The following CSTPP1 variants were observed in gnomAD, a reference collection of about 807,000 sequenced individuals.
The protein encoded by CSTPP1 is centriolar satellite-associated tubulin polyglutamylase complex regulator 1.
chr11:47,161,088 G>T, the CSTPP1 span: 1 of 1,613,496 alleles, frequency 6.2e-7, no homozygotes, highest in Non-Finnish European at 8.5e-7. Flanking sequence ...TGGCTGAAGG[G>T]CCCTCAGATT....
the CSTPP1 span, among the ~76,000 whole-genome samples, chr11:47,085,097 G>A: frequency 3.3e-5 from 5 of 151,968 alleles, no homozygotes; most frequent in African/African-American, 4.8e-5. Context: ...CCAGCTAGTC[G>A]GGAGGCTGAG....
At chr11:47,125,591 G>A in the CSTPP1 span, among the ~76,000 whole-genome samples, 3 of 152,204 alleles carry the variant, frequency 2.0e-5, no homozygotes, top group Non-Finnish European at 4.4e-5. Context: ...ACAGTGGAAA[G>A]CTCAGAGGAA....
chr11:47,157,048 C>G, the CSTPP1 span: 2 of 1,614,152 alleles, frequency 1.2e-6, no homozygotes, highest in Non-Finnish European at 1.7e-6. Flanking sequence ...TGGCTGCCAT[C>G]TATGAGGACC....
the CSTPP1 span, among the ~76,000 whole-genome samples, chr11:47,027,523 T>C: frequency 2.0e-5 from 3 of 152,164 alleles, no homozygotes; most frequent in Non-Finnish European, 4.4e-5. Flanking sequence ...AAGAAAGTTC[T>C]TTATGGATTT....
chr11:46,993,265 G>T, the CSTPP1 span, among the ~76,000 whole-genome samples: 1 of 151,734 alleles, frequency 6.6e-6, no homozygotes, highest in Non-Finnish European at 1.5e-5. Flanking sequence ...CTCAGTTTTG[G>T]CTTTTGTTGC....
chr11:47,043,217 T>C, the CSTPP1 span, among the ~76,000 whole-genome samples: 16 of 152,268 alleles, frequency 1.1e-4, no homozygotes, highest in South Asian at 3.3e-3. Flanking sequence ...CAAAAAAAGT[T>C]ATGACTGCTA....
At chr11:47,048,514 G>T in the CSTPP1 span, among the ~76,000 whole-genome samples, 2 of 151,816 alleles carry the variant, frequency 1.3e-5, no homozygotes, top group African/African-American at 2.4e-5. Flanking sequence ...AAGAAAGAAA[G>T]AAATTTTGAT....
At chr11:47,046,660 C>CTTTTTTTTTTTTTTTT in the CSTPP1 span, among the ~76,000 whole-genome samples, 86 of 79,758 alleles carry the variant, frequency 1.1e-3, no homozygotes, top group Admixed American at 1.4e-3. Context: ...ATCTTCTTTT[C>CTTTTTTTTTTTTTTTT]TTTTTTTTTT....
the CSTPP1 span, among the ~76,000 whole-genome samples, chr11:47,046,809 G>A: frequency 2.0e-5 from 3 of 150,570 alleles, no homozygotes; most frequent in Admixed American, 1.3e-4. Flanking sequence ...GGGATTACAG[G>A]CATCCACCAC....
the CSTPP1 span, among the ~76,000 whole-genome samples, chr11:47,104,239 A>C: frequency 6.6e-6 from 1 of 152,190 alleles, no homozygotes. Flanking sequence ...AAGTGGAATG[A>C]ATCCTAGAGA....
the CSTPP1 span, among the ~76,000 whole-genome samples, chr11:46,988,157 TC>T: frequency 6.6e-6 from 1 of 152,156 alleles, no homozygotes; most frequent in Non-Finnish European, 1.5e-5. Flanking sequence ...GTTTGGAGGT[TC>T]CTCAAAAAAC....
chr11:47,132,409 GTT>G, the CSTPP1 span, among the ~76,000 whole-genome samples: 1 of 152,236 alleles, frequency 6.6e-6, no homozygotes, highest in Non-Finnish European at 1.5e-5. Context: ...GTTTTAATCA[GTT>G]AATAATTATA....
chr11:47,145,928 A>T, the CSTPP1 span, among the ~76,000 whole-genome samples: 5 of 151,786 alleles, frequency 3.3e-5, no homozygotes, highest in African/African-American at 1.2e-4. Context: ...ATTTTATTTT[A>T]TTTTAAGATG....
chr11:47,120,896 G>C, the CSTPP1 span, among the ~76,000 whole-genome samples: 2 of 152,236 alleles, frequency 1.3e-5, no homozygotes, highest in South Asian at 2.1e-4. The surrounding 1 kb of genome is among the most constrained non-coding windows in gnomAD (Gnocchi z 4.2). Flanking sequence ...ATCCAAAGAC[G>C]CAGAAGAGTT....
chr11:47,096,811 GA>G, the CSTPP1 span, among the ~76,000 whole-genome samples: 201 of 118,118 alleles, frequency 1.7e-3, no homozygotes, highest in Non-Finnish European at 2.0e-3. Context: ...AGGCCCAGCA[GA>G]AAAAAAAAAA....
the CSTPP1 span, among the ~76,000 whole-genome samples, chr11:46,942,495 C>T: frequency 6.1e-4 from 93 of 152,284 alleles, no homozygotes; most frequent in Middle Eastern, 3.4e-3. Context: ...CTTTCACTCA[C>T]GCTCCAAGTT....
At chr11:47,006,681 C>A in the CSTPP1 span, among the ~76,000 whole-genome samples, 7 of 151,268 alleles carry the variant, frequency 4.6e-5, no homozygotes, top group African/African-American at 1.7e-4. Flanking sequence ...ACCTCCTGGG[C>A]TCAGGCAATC....
chr11:47,164,167 G>C, the CSTPP1 span: 1 of 1,614,002 alleles, frequency 6.2e-7, no homozygotes, highest in Non-Finnish European at 8.5e-7. Flanking sequence ...GGCTTTCAGA[G>C]AAGAGAGAAG....
the CSTPP1 span, chr11:47,052,521 A>G: frequency 6.2e-7 from 1 of 1,611,978 alleles, no homozygotes; most frequent in Non-Finnish European, 8.5e-7. Flanking sequence ...AAATGGCGGT[A>G]AGTCTTCCCA....
Sources: allele counts gnomAD v4.1 joint callset (sites outside exome capture counted in the v4.1 genomes callset), GRCh38; gene constraint gnomAD v4.1.1; non-coding constraint Gnocchi (gnomAD v3.1); transcripts MANE v1.5; gene names NCBI Gene and HGNC (gene_info 2026-07-23, HGNC 2026-07-21).